LARS2: variants seen among roughly 807,000 people sequenced by gnomAD.
LARS2 encodes the protein leucyl-tRNA synthetase 2, mitochondrial, also known as leucine--tRNA ligase, mitochondrial.
A neutral mutation model predicts 116.6 loss-of-function variants in LARS2; 81 were observed. The ratio of observed to expected loss-of-function variants is 0.69; its 90% confidence interval spans 0.58 to 0.84. LARS2 has a LOEUF of 0.84. Ranked by LOEUF, LARS2 falls within the 40% of genes least tolerant of loss-of-function variation. LARS2 has a pLI of 0.00. For synonymous variants in LARS2, 396 were observed against 407.2 expected, an observed-to-expected ratio of 0.97 and a Z score of 0.33; for missense variants, 968 against 1,114.5, an observed-to-expected ratio of 0.87 and a Z score of 1.87.
intron 19 of LARS2, among the ~76,000 whole-genome samples, chr3:45,523,277 G>GGCCC (rs931542405): frequency 2.0e-5 from 3 of 152,164 alleles, no homozygotes; most frequent in Non-Finnish European, 2.9e-5. Context: ...AGGGTATAGA[G>GGCCC]GCCCCCCTGC....
At chr3:45,506,032 T>A (rs939268517) in intron 15 of LARS2, among the ~76,000 whole-genome samples, 7 of 152,122 alleles carry the variant, frequency 4.6e-5, no homozygotes, top group Admixed American at 2.6e-4. Flanking sequence ...ACACTTGGAT[T>A]TTGCTTTACC....
At chr3:45,439,437 T>G (rs977261941) in intron 6 of LARS2, among the ~76,000 whole-genome samples, 12 of 151,940 alleles carry the variant, frequency 7.9e-5, no homozygotes, top group African/African-American at 2.7e-4. Context: ...GCCAGGCTGT[T>G]CTTGAACTCC....
intron 20 of LARS2, chr3:45,538,427 A>T (rs1700743247): frequency 6.6e-6 from 1 of 152,228 alleles, no homozygotes; most frequent in Non-Finnish European, 1.5e-5. Flanking sequence ...GGACCAGCTC[A>T]CTAAAAGAAG....
At chr3:45,429,628 T>C (rs1276305125) in intron 6 of LARS2, among the ~76,000 whole-genome samples, 1 of 151,972 alleles carries the variant, frequency 6.6e-6, no homozygotes, top group East Asian at 1.9e-4. Flanking sequence ...TTAACTAACA[T>C]ATTCACAGGT....
At chr3:45,479,313 T>G (rs1204761245) in intron 10 of LARS2, among the ~76,000 whole-genome samples, 1 of 152,060 alleles carries the variant, frequency 6.6e-6, no homozygotes, top group African/African-American at 2.4e-5. Context: ...GAAGAAGCTT[T>G]GAGGGGCCCT....
chr3:45,430,969 A>G (rs964142190), intron 6 of LARS2, among the ~76,000 whole-genome samples: 5 of 152,164 alleles, frequency 3.3e-5, no homozygotes, highest in Admixed American at 2.0e-4. Context: ...CAATGTGATG[A>G]CACTAGGAAG....
chr3:45,448,848 G>A (rs541179540), intron 7 of LARS2, among the ~76,000 whole-genome samples: 2 of 152,332 alleles, frequency 1.3e-5, no homozygotes, highest in Non-Finnish European at 1.5e-5. Context: ...ATCTTCCAGC[G>A]TGGGCTTTAT....
intron 5 of LARS2, among the ~76,000 whole-genome samples, chr3:45,418,111 A>G (rs1373580881): frequency 6.6e-6 from 1 of 152,182 alleles, no homozygotes; most frequent in Admixed American, 6.5e-5. Context: ...CTTCTACTAC[A>G]CGTGGGCCAG....
intron 6 of LARS2, among the ~76,000 whole-genome samples, chr3:45,435,234 C>T (rs1306404362): frequency 1.3e-5 from 2 of 152,118 alleles, no homozygotes; most frequent in East Asian, 1.9e-4. Flanking sequence ...GTACCTCATT[C>T]CTGCTAGTTG....
chr3:45,488,868 C>T, intron 12 of LARS2, 56 bp downstream of exon 12: 2 of 1,124,882 alleles, frequency 1.8e-6, no homozygotes, highest in South Asian at 1.2e-5. Flanking sequence ...CTTTGATAGA[C>T]ATTTTCCTTC....
chr3:45,392,984 T>C (rs1697981143), intron 2 of LARS2, among the ~76,000 whole-genome samples: 1 of 152,238 alleles, frequency 6.6e-6, no homozygotes. Context: ...CTATTTAGTC[T>C]AGTATTTATA....
Position 45,486,206 on chromosome 3 carries a change from C to T in LARS2, c.1123+410C>T, listed in dbSNP as rs144208447. ...ATAGAACCAACAGCAACTGCTGGGA[C>T]GGGGGTTCAAATGAAGCACAAATGA... On this transcript the variant is annotated intron_variant, in intron 11 of 21. Coordinates refer to ENST00000645846, the MANE Select transcript of LARS2 (RefSeq NM_015340.4). Among the ~76,000 whole-genome samples the T allele has an allele frequency of 5.1e-4, 78 of 151,992 alleles. 1 individual carries two copies. The East Asian group carries it at 0.013, about 26-fold the overall frequency.
intron 20 of LARS2, among the ~76,000 whole-genome samples, chr3:45,530,513 C>T (rs1433699973): frequency 6.6e-6 from 1 of 151,476 alleles, no homozygotes; most frequent in Admixed American, 6.6e-5. Flanking sequence ...AGCAAGACTC[C>T]GTCTCAAAAA....
At chr3:45,458,572 C>T (rs959514548) in intron 7 of LARS2, among the ~76,000 whole-genome samples, 171 bp from the exon 8 acceptor site, 27 of 152,214 alleles carry the variant, frequency 1.8e-4, no homozygotes, top group African/African-American at 6.3e-4. Context: ...CACCTGTAAT[C>T]CCAGCTACTT....
In LARS2 at chr3:45,404,213, C is replaced by T. The variant is rs564977410; in HGVS notation, c.363+3840C>T. On this transcript the variant is annotated intron_variant, in intron 4 of 21. Transcript: ENST00000645846. ...AGGTTGTCTTTTTGTTTCACAGTTT[C>T]AGTTGCTGTGTTTAAGATAGCAAGC... Among the ~76,000 whole-genome samples the T allele has an allele frequency of 5.9e-5, 9 of 152,156 alleles. No individual in the cohort carries two copies. In the South Asian group the frequency reaches 1.9e-3, roughly 32 times the overall value.
intron 4 of LARS2, among the ~76,000 whole-genome samples, chr3:45,409,206 A>AT (rs3836520): frequency 0.58 from 88,065 of 150,934 alleles, 27,838 homozygotes; most frequent in Non-Finnish European, 0.73. Flanking sequence ...TTTTATTTTT[A>AT]TTTTTTTTTA....
At chr3:45,396,403 A>G (rs535259263) in intron 3 of LARS2, among the ~76,000 whole-genome samples, 5 of 152,358 alleles carry the variant, frequency 3.3e-5, no homozygotes, top group African/African-American at 1.2e-4. Flanking sequence ...TGTTTTGAAA[A>G]TCAAATGAGA....
At chr3:45,472,154 A>G (rs911927094) in intron 8 of LARS2, among the ~76,000 whole-genome samples, 2 of 152,224 alleles carry the variant, frequency 1.3e-5, no homozygotes. Flanking sequence ...GAACAAGGGC[A>G]CAGCCACAAT....
At chr3:45,473,792 T>C (rs1386336524) in intron 8 of LARS2, among the ~76,000 whole-genome samples, 1 of 151,914 alleles carries the variant, frequency 6.6e-6, no homozygotes, top group Non-Finnish European at 1.5e-5. Flanking sequence ...ATTTATAAAA[T>C]TAATACTTTT....
Sources: gnomAD v4.1 joint callset for allele counts (sites outside exome capture counted in the v4.1 genomes callset) on GRCh38, gnomAD v4.1.1 for gene constraint, MANE v1.5 for transcripts, NCBI Gene and HGNC (gene_info 2026-07-23, HGNC 2026-07-21) for gene names.